PCDHA10: variants seen among roughly 807,000 people sequenced by gnomAD.
The protein encoded by PCDHA10 is protocadherin alpha-10.
PCDHA10 carries 45 observed loss-of-function variants against 61.2 expected under a neutral mutation model. That is an observed-to-expected ratio of 0.74 (90% CI 0.58 to 0.94). PCDHA10 has a LOEUF of 0.94. PCDHA10 is among the 40% of genes least tolerant of loss of function. The pLI is 0.00. For missense variants in PCDHA10, 1,278 were observed against 1,236.2 expected (o/e 1.03, Z -0.51); for synonymous variants, 602 against 548.8 (o/e 1.10, Z -1.35).
At chr5:140,903,229 T>C (rs2153479721) in intron 1 of PCDHA10, among the ~76,000 whole-genome samples, 1 of 152,340 alleles carries the variant, frequency 6.6e-6, no homozygotes, top group South Asian at 2.1e-4. Flanking sequence ...CATCTATTAC[T>C]TTTTGATTTT....
At chr5:140,864,245 T>C (rs1189962615) in intron 1 of PCDHA10, 1 of 152,208 alleles carries the variant, frequency 6.6e-6, no homozygotes, top group Non-Finnish European at 1.5e-5. Flanking sequence ...TTCCTATTCA[T>C]TTTCTTATTC....
At chr5:140,960,680 G>A (rs192174088) in intron 1 of PCDHA10, among the ~76,000 whole-genome samples, 2 of 152,162 alleles carry the variant, frequency 1.3e-5, no homozygotes, top group African/African-American at 4.8e-5. Context: ...AAACCTACTT[G>A]GGAATGAGGG....
In PCDHA10 at chr5:140,856,802, GA is replaced by G. The variant is rs782128453; in HGVS notation, c.758del (p.Asn253IlefsTer3). 2 of 1,595,592 alleles carry G rather than the reference GA, an allele frequency of 1.3e-6. No individual in the cohort carries two copies. Among genetic ancestry groups the G allele is most frequent in the East Asian group, 4.5e-5 (2 of 44,844 alleles). On this transcript the variant is annotated frameshift_variant, in exon 1 of 4. Transcript: ENST00000307360. LOFTEE classifies it high-confidence loss of function. ...ACCGGTTTATGAAGTTAAGATGTAT[GA>G]AAATCAAGTGAACCAAACATTAGTA... is the stretch of plus-strand genomic sequence containing the variant. ...DRPVYEVKMYENQVNQTLVIR... is the reference protein window; with the variant it reads ...DRPVYEVKMYXNQVNQTLVIR...
intron 1 of PCDHA10, among the ~76,000 whole-genome samples, chr5:140,926,001 C>A (rs782316154): frequency 3.3e-5 from 5 of 152,302 alleles, no homozygotes; most frequent in Middle Eastern, 3.4e-3. Flanking sequence ...TCCGCTGCCT[C>A]GAAAAGCCAG....
chr5:140,861,274 GCT>G lies in PCDHA10; in HGVS notation c.2388+2839_2388+2840del, dbSNP rs538032435. The G allele has an allele frequency of 1.4e-4, 25 of 180,670 alleles. 1 individual carries two copies. In the South Asian group the frequency reaches 2.9e-3, roughly 21 times the overall value. 11.2% of individuals were successfully genotyped at this position (180,670 alleles called of 1,614,324 possible). On this transcript the variant is annotated intron_variant, in intron 1 of 3. Transcript: ENST00000307360. The stretch of plus-strand genomic sequence containing the variant: ...AGGAATCCCGGAGCCTACAGCACTG[GCT>G]TCTGCTCCTTGAATTTTGTGAAGCG...
chr5:140,960,612 G>C (rs1467595478), intron 1 of PCDHA10, among the ~76,000 whole-genome samples: 1 of 152,110 alleles, frequency 6.6e-6, no homozygotes, highest in Non-Finnish European at 1.5e-5. Context: ...ACAATATCTA[G>C]TGTGTTTTTG....
At chr5:140,956,740 C>T in intron 1 of PCDHA10, among the ~76,000 whole-genome samples, 1 of 152,122 alleles carries the variant, frequency 6.6e-6, no homozygotes, top group East Asian at 1.9e-4. Context: ...CCTCTTTGTA[C>T]CTCTGATAGA....
At chr5:140,965,838 T>C (rs1486782697) in intron 1 of PCDHA10, among the ~76,000 whole-genome samples, 5 of 152,204 alleles carry the variant, frequency 3.3e-5, no homozygotes, top group African/African-American at 1.2e-4. Flanking sequence ...ATATTGGTTA[T>C]TTGCCAAGGC....
At chr5:140,943,729 A>C (rs1215938127) in intron 1 of PCDHA10, among the ~76,000 whole-genome samples, 2 of 152,256 alleles carry the variant, frequency 1.3e-5, no homozygotes, top group Non-Finnish European at 2.9e-5. Context: ...TGAGAGAATG[A>C]AAGTCCACAG....
chr5:140,870,420 G>C lies in PCDHA10; in HGVS notation c.2388+11984G>C, dbSNP rs371557347. 1.3e-4 allele frequency: 208 copies of C among 1,614,234 alleles called. No homozygotes were observed. The highest frequency in any genetic ancestry group is 1.7e-4 in the Non-Finnish European group (202 of 1,180,052). Reference sequence around the variant, plus strand: ...CGCCTTCTCTGTGGGCCACGGCCAGGGTATCCGTGGAGGTGGCCGACGTGA... The same window carrying C: ...CGCCTTCTCTGTGGGCCACGGCCAGCGTATCCGTGGAGGTGGCCGACGTGA... On this transcript the variant is annotated intron_variant, in intron 1 of 3. Transcript: ENST00000307360.
At chr5:140,930,962 T>A (rs1193722929) in intron 1 of PCDHA10, among the ~76,000 whole-genome samples, 2 of 152,184 alleles carry the variant, frequency 1.3e-5, no homozygotes, top group African/African-American at 4.8e-5. Flanking sequence ...AAATGTACTG[T>A]TTCAATGATT....
intron 1 of PCDHA10, among the ~76,000 whole-genome samples, chr5:140,940,440 G>T (rs1348385112): frequency 1.3e-5 from 2 of 151,928 alleles, no homozygotes; most frequent in Non-Finnish European, 2.9e-5. Flanking sequence ...AGTCTGCCAT[G>T]ATATTTTTTA....
At position 140,857,006 on chromosome 5, in the gene PCDHA10, G is replaced by A. The variant is rs1365266931; in HGVS notation, c.958G>A (p.Asp320Asn). The A allele has an allele frequency of 1.3e-6, 2 of 1,595,206 alleles. No homozygotes were observed. Among genetic ancestry groups the A allele is most frequent in the East Asian group, 2.2e-5 (1 of 44,874 alleles). ...CAGTAACACTTATGAAATTCATGTAGATGTTACAGATAAGGGAAACCCACC... is the reference window on the plus strand; with the variant it reads ...CAGTAACACTTATGAAATTCATGTAAATGTTACAGATAAGGGAAACCCACC... ...EDSNTYEIHV[D>N]VTDKGNPPMV... is the part of the protein sequence containing the mutation. The change falls in exon 1 of 4, where the codon GAT becomes AAT. Residue 320 changes from aspartate to asparagine, a missense_variant. By Grantham distance (23) the Asp-to-Asn change is conservative. Coordinates refer to ENST00000307360, the MANE Select transcript of PCDHA10 (RefSeq NM_018901.4).
At chr5:140,987,124 G>T (rs2097230182) in intron 3 of PCDHA10, among the ~76,000 whole-genome samples, 1 of 151,678 alleles carries the variant, frequency 6.6e-6, no homozygotes, top group Non-Finnish European at 1.5e-5. Flanking sequence ...TGAGGCAGGA[G>T]AATTGCTTGA....
intron 3 of PCDHA10, among the ~76,000 whole-genome samples, chr5:141,002,901 G>C (rs2098101392): frequency 6.6e-6 from 1 of 152,224 alleles, no homozygotes; most frequent in Admixed American, 6.5e-5. Flanking sequence ...GCAAGATGAA[G>C]AGAAGATCAG....
intron 1 of PCDHA10, chr5:140,870,531 G>C (rs1554164370): frequency 6.2e-7 from 1 of 1,614,196 alleles, no homozygotes; most frequent in Admixed American, 1.7e-5. Flanking sequence ...TCTTCACAGT[G>C]TCGGCGCGGG....
intron 1 of PCDHA10, among the ~76,000 whole-genome samples, chr5:140,959,857 T>G (rs1287315295): frequency 1.3e-5 from 2 of 152,204 alleles, no homozygotes; most frequent in African/African-American, 2.4e-5. Flanking sequence ...AAAGGAATTA[T>G]GTAGCAAAAT....
chr5:140,980,058 A>C (rs1554241393), intron 2 of PCDHA10, among the ~76,000 whole-genome samples: 1 of 152,254 alleles, frequency 6.6e-6, no homozygotes, highest in Non-Finnish European at 1.5e-5. Context: ...ATTCAGAAGC[A>C]ATCAGTGAAG....
At chr5:140,887,192 G>A (rs2061344460) in intron 1 of PCDHA10, among the ~76,000 whole-genome samples, 1 of 151,802 alleles carries the variant, frequency 6.6e-6, no homozygotes, top group African/African-American at 2.4e-5. Flanking sequence ...CACCTCCCGG[G>A]TTCACGCCAT....
Sources: gnomAD v4.1 joint callset for allele counts (sites outside exome capture counted in the v4.1 genomes callset) on GRCh38, gnomAD v4.1.1 for gene constraint, MANE v1.5 for transcripts, NCBI Gene and HGNC (gene_info 2026-07-23, HGNC 2026-07-21) for gene names.